The following UTS2B variants were observed in gnomAD, a reference collection of about 807,000 sequenced individuals.
The protein encoded by UTS2B is urotensin 2B.
UTS2B carries 21 observed loss-of-function variants against 19.2 expected under a neutral mutation model. The observed-to-expected ratio is 1.09, with a 90% CI of 0.78 to 1.58. UTS2B has a LOEUF of 1.58. Among genes scored for constraint, UTS2B ranks in the 40% most tolerant of loss-of-function variants. The pLI is 0.00. For synonymous variants in UTS2B, 57 were observed against 50.2 expected, an observed-to-expected ratio of 1.14 and a Z score of -0.58; for missense variants, 138 against 130.3, an observed-to-expected ratio of 1.06 and a Z score of -0.29.
intron 2 of UTS2B, among the ~76,000 whole-genome samples, chr3:191,321,253 C>T (rs1717603860): frequency 1.3e-5 from 2 of 152,118 alleles, no homozygotes; most frequent in Admixed American, 6.5e-5. Flanking sequence ...AGTCAGTTGC[C>T]TAGCTAGGAA....
chr3:191,339,239 A>C, the UTS2B span, among the ~76,000 whole-genome samples: 1 of 152,144 alleles, frequency 6.6e-6, no homozygotes, highest in Admixed American at 6.5e-5. Context: ...GATATGTTCA[A>C]TTTGTACTTA....
chr3:191,301,373 CA>C, intron 4 of UTS2B, among the ~76,000 whole-genome samples: 1 of 151,874 alleles, frequency 6.6e-6, no homozygotes, highest in East Asian at 1.9e-4. Context: ...TTTCTCACCA[CA>C]AGAGTGTTGA....
At chr3:191,337,713 A>G in the UTS2B span, among the ~76,000 whole-genome samples, 1 of 152,152 alleles carries the variant, frequency 6.6e-6, no homozygotes, top group African/African-American at 2.4e-5. Context: ...AAATGTAGGT[A>G]GAAATCTTAT....
the UTS2B span, among the ~76,000 whole-genome samples, chr3:191,336,119 T>A: frequency 6.6e-6 from 1 of 152,092 alleles, no homozygotes. Context: ...ACTCTAAACA[T>A]TTGTGTACAA....
chr3:191,331,575 A>C (rs568771913), upstream of UTS2B, among the ~76,000 whole-genome samples: 1 of 152,190 alleles, frequency 6.6e-6, no homozygotes, highest in Non-Finnish European at 1.5e-5. Flanking sequence ...AGTTACAATT[A>C]AATATTAATT....
intron 4 of UTS2B, among the ~76,000 whole-genome samples, chr3:191,300,018 CTTTTT>C (rs902121659): frequency 6.6e-6 from 1 of 150,618 alleles, no homozygotes; most frequent in Non-Finnish European, 1.5e-5. Flanking sequence ...CCTTTCTTTT[CTTTTT>C]TTAACATTTT....
chr3:191,305,165 T>C (rs946537967), intron 3 of UTS2B, among the ~76,000 whole-genome samples: 8 of 152,196 alleles, frequency 5.3e-5, no homozygotes, highest in Non-Finnish European at 1.0e-4. Flanking sequence ...ATGATTTATA[T>C]GTTTTTGGGT....
At chr3:191,317,308 C>T (rs1717487970) in intron 2 of UTS2B, among the ~76,000 whole-genome samples, 3 of 152,180 alleles carry the variant, frequency 2.0e-5, no homozygotes, top group Admixed American at 2.0e-4. Context: ...GGGGGCCTCC[C>T]AAGCCTGTAC....
chr3:191,326,009 T>G (rs1192807732), intron 2 of UTS2B, among the ~76,000 whole-genome samples: 1 of 152,238 alleles, frequency 6.6e-6, no homozygotes, highest in Non-Finnish European at 1.5e-5. Flanking sequence ...TCCTCATTTT[T>G]GGAACTGTTC....
the UTS2B span, among the ~76,000 whole-genome samples, chr3:191,335,834 G>T: frequency 2.6e-5 from 4 of 152,080 alleles, no homozygotes; most frequent in East Asian, 7.7e-4. Flanking sequence ...CCTTTTTAGT[G>T]TGTAGTTCTG....
chr3:191,303,290 A>G (rs1717050267), intron 4 of UTS2B, among the ~76,000 whole-genome samples: 1 of 137,624 alleles, frequency 7.3e-6, no homozygotes, highest in Non-Finnish European at 1.7e-5. Flanking sequence ...TTGTTAATAT[A>G]TCTGCTGTCA....
intron 4 of UTS2B, among the ~76,000 whole-genome samples, chr3:191,303,449 G>A (rs939022217): frequency 2.6e-5 from 4 of 151,694 alleles, no homozygotes; most frequent in Non-Finnish European, 4.4e-5. Flanking sequence ...CATCCCACAT[G>A]TCCTTTGAAC....
At chr3:191,321,145 A>G (rs1179702049) in intron 2 of UTS2B, among the ~76,000 whole-genome samples, 3 of 152,174 alleles carry the variant, frequency 2.0e-5, no homozygotes, top group Non-Finnish European at 4.4e-5. Context: ...AAATGTTTGG[A>G]AAATGGGGGC....
intron 1 of UTS2B, chr3:191,329,645 T>C (rs1334356879): frequency 6.3e-7 from 1 of 1,586,504 alleles, no homozygotes; most frequent in Non-Finnish European, 8.6e-7. Context: ...GAAGCCCGCG[T>C]TAAAGGGGCA....
chr3:191,286,409 ATATCT>A (rs370203618), intron 4 of UTS2B, among the ~76,000 whole-genome samples: 227 of 152,068 alleles, frequency 1.5e-3, no homozygotes, highest in African/African-American at 5.2e-3. Context: ...GAATGAAGTC[ATATCT>A]TATATCTTCT....
At chr3:191,324,092 T>C (rs1338053598) in intron 2 of UTS2B, among the ~76,000 whole-genome samples, 1 of 152,158 alleles carries the variant, frequency 6.6e-6, no homozygotes, top group Admixed American at 6.5e-5. Flanking sequence ...CATTAATCCA[T>C]TGCTGAATCA....
chr3:191,342,503 T>A, the UTS2B span, among the ~76,000 whole-genome samples: 1 of 152,206 alleles, frequency 6.6e-6, no homozygotes, highest in Non-Finnish European at 1.5e-5. Context: ...AGCTCTTTTG[T>A]CATATGAAGC....
intron 8 of UTS2B, among the ~76,000 whole-genome samples, chr3:191,273,232 A>T (rs1012701794): frequency 3.3e-5 from 5 of 152,210 alleles, no homozygotes; most frequent in African/African-American, 1.2e-4. Context: ...AAAGCCTGTT[A>T]TTTGTGCTGC....
upstream of UTS2B, among the ~76,000 whole-genome samples, chr3:191,333,344 C>T (rs753867668): frequency 5.3e-5 from 8 of 152,230 alleles, no homozygotes; most frequent in Middle Eastern, 3.4e-3. Context: ...AAGTTAATGG[C>T]GTACATCCAG....
Sources: gnomAD v4.1 joint callset for allele counts (sites outside exome capture counted in the v4.1 genomes callset) on GRCh38, gnomAD v4.1.1 for gene constraint, MANE v1.5 for transcripts, NCBI Gene and HGNC (gene_info 2026-07-23, HGNC 2026-07-21) for gene names.